The following ASZ1 variants were observed in gnomAD, a reference collection of about 807,000 sequenced individuals.
The protein encoded by ASZ1 is ankyrin repeat, SAM and basic leucine zipper domain-containing protein 1.
ASZ1 carries 67 observed loss-of-function variants against 61.8 expected under a neutral mutation model. That is an observed-to-expected ratio of 1.08 (90% CI 0.89 to 1.33). The LOEUF is 1.33. ASZ1 is among the 40% of genes most tolerant of loss of function. The pLI is 0.00. For missense variants in ASZ1, 577 were observed against 554.5 expected, an observed-to-expected ratio of 1.04 and a Z score of -0.41; for synonymous variants, 193 against 192.7, an observed-to-expected ratio of 1.00 and a Z score of -0.01.
chr7:117,367,763 CATATT>C (rs1421377768), intron 11 of ASZ1: 1 of 955,598 alleles, frequency 1.0e-6, no homozygotes, highest in African/African-American at 1.7e-5. Context: ...TGATGATTCT[CATATT>C]AATTGATGTT....
At chr7:117,416,359 T>C (rs961165824) in intron 4 of ASZ1, among the ~76,000 whole-genome samples, 10 of 152,248 alleles carry the variant, frequency 6.6e-5, no homozygotes, top group Admixed American at 1.3e-4. Context: ...TTCTGCCTAA[T>C]GAAATCTTGT....
At chr7:117,382,251 G>T in intron 7 of ASZ1, 107 bp from the exon 8 acceptor site, 1 of 731,752 alleles carries the variant, frequency 1.4e-6, no homozygotes, top group Non-Finnish European at 2.3e-6. Context: ...AATTCATGTA[G>T]AATATATTTG....
At chr7:117,386,098 A>C (rs1343525779) in intron 4 of ASZ1, among the ~76,000 whole-genome samples, 2 of 152,188 alleles carry the variant, frequency 1.3e-5, no homozygotes, top group African/African-American at 2.4e-5. Context: ...ACTAATATAC[A>C]TATTCATCTA....
chr7:117,403,333 G>A (rs1796716104), intron 4 of ASZ1, among the ~76,000 whole-genome samples: 1 of 152,102 alleles, frequency 6.6e-6, no homozygotes, highest in African/African-American at 2.4e-5. Flanking sequence ...TGCACTACTG[G>A]CCTTATAATG....
intron 4 of ASZ1, among the ~76,000 whole-genome samples, chr7:117,412,444 A>C (rs1796914573): frequency 6.6e-6 from 1 of 151,924 alleles, no homozygotes; most frequent in Non-Finnish European, 1.5e-5. Flanking sequence ...AAAACAAGTT[A>C]CTATTGTAAG....
At chr7:117,420,011 A>C (rs1797070060) in intron 4 of ASZ1, 152 bp downstream of exon 4, 1 of 533,458 alleles carries the variant, frequency 1.9e-6, no homozygotes, top group African/African-American at 1.9e-5. Flanking sequence ...CCTTCCTCTG[A>C]TAATCTTATA....
chr7:117,385,666 A>G (rs1405384020), intron 5 of ASZ1, 32 bp downstream of exon 5: 1 of 1,513,604 alleles, frequency 6.6e-7, no homozygotes, highest in Non-Finnish European at 9.1e-7. Context: ...AATAACAGAA[A>G]CAAAAAGAAA....
chr7:117,363,975 A>G (rs940374534), intron 12 of ASZ1, among the ~76,000 whole-genome samples: 1 of 152,178 alleles, frequency 6.6e-6, no homozygotes, highest in African/African-American at 2.4e-5. Flanking sequence ...TTAAAAATAC[A>G]TGCTTTCATA....
chr7:117,421,754 A>G (rs1797103352), intron 3 of ASZ1, among the ~76,000 whole-genome samples: 1 of 152,200 alleles, frequency 6.6e-6, no homozygotes, highest in Non-Finnish European at 1.5e-5. Context: ...AATTCAATGT[A>G]ATAATTAAAC....
In ASZ1 at chr7:117,368,283, A is replaced by G. The variant is rs1021474295; in HGVS notation, c.1161+329T>C. 3.0e-6 allele frequency: 3 copies of G among 984,222 alleles called. No individual in the cohort carries two copies. The African/African-American group carries it at 5.2e-5, about 17-fold the overall frequency. The allele number at this position is 984,222 out of a possible 1,614,324, so 61.0% of individuals were successfully genotyped here. On this transcript the variant is annotated intron_variant, in intron 11 of 12. Coordinates refer to ENST00000284629, the MANE Select transcript of ASZ1 (RefSeq NM_130768.3). ...AAAATATTTTATTGATATGGTTTTT[A>G]AATAACACACTGTTTTATTTCCATT...
At chr7:117,425,265 T>TC (rs1797177159) in intron 2 of ASZ1, among the ~76,000 whole-genome samples, 2 of 132,860 alleles carry the variant, frequency 1.5e-5, no homozygotes, top group Admixed American at 7.5e-5. Context: ...ATTTCTTTTT[T>TC]TTTTTTTTTT....
chr7:117,384,660 C>G, intron 6 of ASZ1, 66 bp downstream of exon 6: 1 of 1,495,066 alleles, frequency 6.7e-7, no homozygotes, highest in South Asian at 1.2e-5. Flanking sequence ...CAGAATAATA[C>G]AAAAGTTCTA....
At chr7:117,417,449 G>C (rs1456945104) in intron 4 of ASZ1, among the ~76,000 whole-genome samples, 1 of 152,058 alleles carries the variant, frequency 6.6e-6, no homozygotes, top group Non-Finnish European at 1.5e-5. Flanking sequence ...GGTATCTTTT[G>C]GCACTTTTTA....
Position 117,363,763 on chromosome 7 carries a change from G to A in ASZ1, c.1276-15C>T. 3 of 1,539,576 alleles carry A rather than the reference G, an allele frequency of 1.9e-6. No individual in the cohort carries two copies. Among genetic ancestry groups the A allele is most frequent in the Non-Finnish European group, 2.6e-6 (3 of 1,142,170 alleles). On this transcript the variant is annotated splice_polypyrimidine_tract_variant and intron_variant, in intron 12 of 12. Coordinates refer to ENST00000284629, the MANE Select transcript of ASZ1 (RefSeq NM_130768.3). ...TCATTTTGCAACTAATATTTAGTAT[G>A]GAAAAAGAAAAGAGGAGTTACTGTA...
At position 117,382,113 on chromosome 7, in the gene ASZ1, A is replaced by G. The variant is rs1316088946; in HGVS notation, c.844T>C (p.Phe282Leu). 3.1e-6 allele frequency: 5 copies of G among 1,600,104 alleles called. No homozygotes were observed. The highest frequency in any genetic ancestry group is 4.3e-6 in the Non-Finnish European group (5 of 1,167,758). ...TGTTCAAGTCCAAGACCATGTAAAA[A>G]TACTTCCAGATCTCCAAATGCTGTA... Reference protein sequence around the residue: ...SYTAFGDLEVFLHGLGLEHMT... With the variant: ...SYTAFGDLEVLLHGLGLEHMT... The change falls in exon 8 of 13, where the codon TTT (phenylalanine) becomes CTT (leucine). Residue 282 changes from phenylalanine (F) to leucine (L), a missense_variant. Transcript: ENST00000284629.
intron 4 of ASZ1, among the ~76,000 whole-genome samples, chr7:117,406,942 C>G (rs1796795831): frequency 6.6e-6 from 1 of 151,496 alleles, no homozygotes; most frequent in Admixed American, 6.6e-5. Flanking sequence ...GGTAGCCACT[C>G]AAAGAATAAT....
intron 10 of ASZ1, among the ~76,000 whole-genome samples, chr7:117,379,164 T>TAC (rs1384419878): frequency 6.4e-4 from 38 of 59,480 alleles, no homozygotes; most frequent in Admixed American, 4.4e-3. Context: ...TATATATATA[T>TAC]ATATACACAC....
intron 12 of ASZ1, among the ~76,000 whole-genome samples, chr7:117,364,229 A>G (rs1795888747): frequency 1.3e-5 from 2 of 152,216 alleles, no homozygotes; most frequent in Non-Finnish European, 2.9e-5. Context: ...AATTGCAGTA[A>G]CAAATGTCAA....
At chr7:117,409,290 C>T (rs957302523) in intron 4 of ASZ1, among the ~76,000 whole-genome samples, 10 of 151,854 alleles carry the variant, frequency 6.6e-5, no homozygotes, top group African/African-American at 2.4e-4. Context: ...GATATGCTAA[C>T]AGCTCTAATA....
Sources: gnomAD v4.1 joint callset for allele counts (sites outside exome capture counted in the v4.1 genomes callset) on GRCh38, gnomAD v4.1.1 for gene constraint, MANE v1.5 for transcripts, NCBI Gene and HGNC (gene_info 2026-07-23, HGNC 2026-07-21) for gene names.